Variants in PARP4 observed in about 807,000 individuals in gnomAD.
PARP4 encodes protein mono-ADP-ribosyltransferase PARP4.
PARP4 carries 120 observed loss-of-function variants against 187.7 expected under a neutral mutation model. That is an observed-to-expected ratio of 0.64 (90% CI 0.55 to 0.74). PARP4 has a LOEUF of 0.74. PARP4 is among the 30% of genes least tolerant of loss of function. PARP4 has a pLI of 0.00. For missense variants in PARP4, 1,836 were observed against 2,070.5 expected (o/e 0.89, Z 2.20); for synonymous variants, 654 against 740.9 (o/e 0.88, Z 1.90).
At chr13:24,437,062 T>C (rs1870672256) in intron 30 of PARP4, among the ~76,000 whole-genome samples, 1 of 152,110 alleles carries the variant, frequency 6.6e-6, no homozygotes, top group Admixed American at 6.5e-5. Context: ...GACGAATCAA[T>C]GGAACAGAGT....
intron 17 of PARP4, among the ~76,000 whole-genome samples, chr13:24,461,510 G>A (rs544928478): frequency 2.7e-4 from 41 of 152,294 alleles, no homozygotes; most frequent in African/African-American, 9.6e-4. Context: ...ATGGGACACA[G>A]GATCTGTGTG....
At chr13:24,433,877 G>A (rs1202396310) in intron 31 of PARP4, among the ~76,000 whole-genome samples, 4 of 152,254 alleles carry the variant, frequency 2.6e-5, no homozygotes, top group African/African-American at 4.8e-5. Context: ...TAGTACCAGC[G>A]ATGGGGCCAA....
intron 20 of PARP4, among the ~76,000 whole-genome samples, chr13:24,458,623 C>A (rs1382684584): frequency 1.3e-5 from 2 of 152,070 alleles, no homozygotes; most frequent in Non-Finnish European, 2.9e-5. Context: ...TAATATTATA[C>A]ATTTCTTGGC....
At chr13:24,432,197 ATG>A (rs1166910809) in intron 31 of PARP4, among the ~76,000 whole-genome samples, 2 of 66,004 alleles carry the variant, frequency 3.0e-5, no homozygotes, top group African/African-American at 9.5e-5. Flanking sequence ...AACATTTATC[ATG>A]TCTTTGTGTC....
chr13:24,496,704 C>T (rs140751013), intron 6 of PARP4, among the ~76,000 whole-genome samples: 244 of 152,248 alleles, frequency 1.6e-3, no homozygotes, highest in African/African-American at 5.4e-3. Context: ...GCCACTCTCA[C>T]GGAGAAGTGA....
At chr13:24,493,475 GA>G in intron 8 of PARP4, 120 bp downstream of exon 8, 1 of 911,988 alleles carries the variant, frequency 1.1e-6, no homozygotes, top group Non-Finnish European at 1.6e-6. Context: ...TACAAGGAAA[GA>G]ACATTTAGGA....
intron 6 of PARP4, among the ~76,000 whole-genome samples, chr13:24,497,800 G>C (rs547593243): frequency 6.6e-6 from 1 of 152,304 alleles, no homozygotes. Flanking sequence ...ATCCTCATGT[G>C]TAGAGATGAG....
chr13:24,426,531 G>A lies in PARP4; in HGVS notation c.4914C>T (p.Thr1638=). Residue 1638 remains threonine, a synonymous_variant, in exon 33 of 34, where the codon ACC becomes ACT. Coordinates refer to ENST00000381989, the MANE Select transcript of PARP4 (RefSeq NM_006437.4). The stretch of plus-strand genomic sequence containing the variant: ...ACACTATTCCCTCTTTTTCCAACCT[G>A]GTGCGAATAAACTGTAGTACCAGCA... ...ATMLVLQFIR[T]RLEKEGIVFK... 6.2e-7 allele frequency: 1 copy of A among 1,610,526 alleles called. No homozygotes were observed. Among genetic ancestry groups the A allele is most frequent in the Non-Finnish European group, 8.5e-7 (1 of 1,177,358 alleles).
Position 24,456,401 on chromosome 13 carries a change from A to G in PARP4, c.2502T>C (p.Gly834=), listed in dbSNP as rs1313326151. 6.2e-7 allele frequency: 1 copy of G among 1,612,482 alleles called. No homozygotes were observed. The highest frequency in any genetic ancestry group is 8.5e-7 in the Non-Finnish European group (1 of 1,179,060). ...LDSSGFSLHI[G]LSAAYLPRMW... ...TTCTTGGGAGATAGGCAGCAGACAA[A>G]CCGATGTGGAGAGAAAATCCACTGC... The change falls in exon 21 of 34, where the codon GGT becomes GGC. Residue 834 remains glycine, a synonymous_variant. Coordinates refer to ENST00000381989, the MANE Select transcript of PARP4 (RefSeq NM_006437.4).
At chr13:24,459,172 A>T in intron 19 of PARP4, 50 bp from the exon 20 acceptor site, 1 of 1,571,346 alleles carries the variant, frequency 6.4e-7, no homozygotes, top group Non-Finnish European at 8.7e-7. Flanking sequence ...TTAAATTTCT[A>T]TCTGAAATTA....
chr13:24,492,860 C>G (rs1012858694), intron 8 of PARP4, among the ~76,000 whole-genome samples: 2 of 152,186 alleles, frequency 1.3e-5, no homozygotes, highest in African/African-American at 4.8e-5. Flanking sequence ...GACACATCTA[C>G]ATACCTATAC....
intron 14 of PARP4, among the ~76,000 whole-genome samples, 168 bp from the exon 15 acceptor site, chr13:24,475,764 A>C (rs569990795): frequency 6.7e-6 from 1 of 150,152 alleles, no homozygotes; most frequent in South Asian, 2.2e-4. Flanking sequence ...GTGAACCCAC[A>C]TGAGAAAAAT....
intron 32 of PARP4, among the ~76,000 whole-genome samples, chr13:24,428,951 C>T (rs1870196728): frequency 6.6e-6 from 1 of 152,192 alleles, no homozygotes; most frequent in Admixed American, 6.5e-5. Flanking sequence ...CCTGGTTACA[C>T]AAATGTTAAA....
intron 15 of PARP4, among the ~76,000 whole-genome samples, chr13:24,473,176 C>T (rs1388893648): frequency 1.3e-5 from 2 of 152,098 alleles, no homozygotes; most frequent in Admixed American, 6.6e-5. Context: ...CCTACCTCAG[C>T]CTCCCTCCCA....
intron 17 of PARP4, among the ~76,000 whole-genome samples, chr13:24,460,970 C>T (rs990392677): frequency 6.6e-6 from 1 of 152,130 alleles, no homozygotes; most frequent in Non-Finnish European, 1.5e-5. Context: ...CCCAGCCTAT[C>T]ATGTTATTTT....
At chr13:24,430,958 T>A (rs1870303979) in intron 32 of PARP4, among the ~76,000 whole-genome samples, 2 of 152,224 alleles carry the variant, frequency 1.3e-5, no homozygotes, top group African/African-American at 4.8e-5. Context: ...TCTTTGTTCT[T>A]CTCTCTTACC....
chr13:24,478,147 G>C lies in PARP4; in HGVS notation c.1578C>G (p.Gly526=), dbSNP rs1231388506. 1 of 1,613,728 alleles carries C rather than the reference G, an allele frequency of 6.2e-7. No homozygotes were observed. Among genetic ancestry groups the C allele is most frequent in the Non-Finnish European group, 8.5e-7 (1 of 1,179,748 alleles). Residue 526 remains glycine (G), a synonymous_variant, in exon 13 of 34, where the codon GGC becomes GGG. Coordinates refer to ENST00000381989, the MANE Select transcript of PARP4 (RefSeq NM_006437.4). The stretch of plus-strand genomic sequence containing the variant: ...GCGAAACTCCATGCACACTGTCGTA[G>C]CCTGGTGGTGCTTCAGTTAAGGAAA... ...KDFSLTEAPP[G]YDSVHGVSQT... is the part of the protein sequence containing the mutation.
At chr13:24,454,930 G>T in intron 22 of PARP4, 87 bp downstream of exon 22, 1 of 1,098,982 alleles carries the variant, frequency 9.1e-7, no homozygotes. Context: ...ACACAGGCAG[G>T]GTCGGGTACC....
In PARP4 at chr13:24,470,028, G is replaced by T; in HGVS notation, c.1915-3C>A. On this transcript the variant is annotated splice_region_variant and splice_polypyrimidine_tract_variant and intron_variant, in intron 15 of 33. Transcript: ENST00000381989. ...GTGTATGTCTGAAAAACAATGACCTGAAGAAGAAAAAAAATCCATACAATT... is the reference window on the plus strand; with the variant it reads ...GTGTATGTCTGAAAAACAATGACCTTAAGAAGAAAAAAAATCCATACAATT... 1 of 1,607,174 alleles carries T rather than the reference G, an allele frequency of 6.2e-7. No homozygotes were observed. Among genetic ancestry groups the T allele is most frequent in the South Asian group, 1.1e-5 (1 of 90,394 alleles).
Sources: gnomAD v4.1 joint callset for allele counts (sites outside exome capture counted in the v4.1 genomes callset) on GRCh38, gnomAD v4.1.1 for gene constraint, MANE v1.5 for transcripts, NCBI Gene and HGNC (gene_info 2026-07-23, HGNC 2026-07-21) for gene names.